Variants in CTNNBIP1 observed in about 807,000 individuals in gnomAD.
CTNNBIP1 encodes the protein catenin beta interacting protein 1.
In CTNNBIP1, 7 loss-of-function variants were observed where a neutral mutation model predicts 11.8. The observed-to-expected ratio is 0.60, with a 90% confidence interval of 0.34 to 1.12. The LOEUF (loss-of-function observed/expected upper bound fraction) is 1.12, where lower values mean the gene tolerates loss of function less well. CTNNBIP1 is among the 50% of genes most tolerant of loss of function. The pLI is 0.03. For synonymous variants in CTNNBIP1, 58 were observed against 43.9 expected (o/e 1.32, Z -1.26); for missense variants, 101 against 113.4 (o/e 0.89, Z 0.50).
At chr1:9,873,115 C>A (rs1638899113) in intron 3 of CTNNBIP1, among the ~76,000 whole-genome samples, 1 of 152,158 alleles carries the variant, frequency 6.6e-6, no homozygotes, top group South Asian at 2.1e-4. Context: ...TGTGCCAGAG[C>A]CCGGGCAGCA....
chr1:9,896,606 G>A (rs1418594891), intron 1 of CTNNBIP1, among the ~76,000 whole-genome samples: 2 of 152,044 alleles, frequency 1.3e-5, no homozygotes, highest in African/African-American at 2.4e-5. Flanking sequence ...AGGCCGAGGT[G>A]GGCAGATCAC....
intron 5 of CTNNBIP1, among the ~76,000 whole-genome samples, chr1:9,860,965 A>C (rs1317125993): frequency 6.6e-6 from 1 of 152,210 alleles, no homozygotes; most frequent in Non-Finnish European, 1.5e-5. Context: ...AGAGGGAGCT[A>C]ACTTTGGCTA....
intron 5 of CTNNBIP1, among the ~76,000 whole-genome samples, chr1:9,864,563 C>T (rs1266361016): frequency 3.9e-5 from 6 of 152,146 alleles, no homozygotes; most frequent in South Asian, 2.1e-4. Flanking sequence ...CTCCTGACCT[C>T]GTGATCCGCC....
At chr1:9,899,632 G>T (rs975829226) in intron 1 of CTNNBIP1, among the ~76,000 whole-genome samples, 3 of 151,640 alleles carry the variant, frequency 2.0e-5, no homozygotes, top group African/African-American at 7.3e-5. Context: ...GGTGACGCAT[G>T]GCTGTAATCC....
chr1:9,876,845 TACACACACACACACACAC>T (rs34192085), intron 3 of CTNNBIP1, among the ~76,000 whole-genome samples: 6 of 138,102 alleles, frequency 4.3e-5, no homozygotes, highest in South Asian at 2.5e-4. Context: ...CTGCTATACA[TACACACACACACACACAC>T]ACACACACAC....
rs1345646848 is a variant in CTNNBIP1, at chr1:9,871,386, G to C, written c.97-109C>G. On this transcript the variant is annotated intron_variant, in intron 4 of 5. Coordinates refer to ENST00000377263, the MANE Select transcript of CTNNBIP1 (RefSeq NM_020248.3). This position sits in a 1 kb window ranked among gnomAD's most constrained non-coding sequence, Gnocchi z 5.2. ...CCTGCTTGGTCCCTGCTTGGTCCCT[G>C]CTCGGGCTTCTGTTTCTGAGATTTG... The C allele has an allele frequency of 2.5e-6, 2 of 799,906 alleles. No homozygotes were observed. The highest frequency in any genetic ancestry group is 2.7e-5 in the East Asian group (1 of 37,314). The allele number at this position is 799,906 out of a possible 1,614,324, so 49.6% of individuals were successfully genotyped here. A position where few individuals can be genotyped will look rare whatever the true frequency, so the allele number is the denominator to read the frequency against.
chr1:9,867,396 G>C lies in CTNNBIP1; in HGVS notation c.187+3791C>G, dbSNP rs149837708. 6.6e-6 allele frequency among the ~76,000 whole-genome samples: 1 copy of C among 152,174 alleles called. No homozygotes were observed. The highest frequency in any genetic ancestry group is 1.5e-5 in the Non-Finnish European group (1 of 68,004). On this transcript the variant is annotated intron_variant, in intron 5 of 5. Coordinates refer to ENST00000377263, the MANE Select transcript of CTNNBIP1 (RefSeq NM_020248.3). This position sits in a 1 kb window ranked among gnomAD's most constrained non-coding sequence, Gnocchi z 4.6. ...GACCGAGGAAGGAATCGAAGGGTAG[G>C]GGGTAAAGGGGTGCCCACGGCCCCC... is the stretch of plus-strand genomic sequence containing the variant.
intron 1 of CTNNBIP1, among the ~76,000 whole-genome samples, chr1:9,887,648 A>G (rs565460175): frequency 7.1e-4 from 107 of 150,308 alleles, no homozygotes; most frequent in African/African-American, 2.2e-3. Flanking sequence ...GGTTGCAGTG[A>G]GCTGAGATCT....
In CTNNBIP1 at chr1:9,883,941, G is replaced by A. The variant is rs1639133333; in HGVS notation, c.-143-203C>T. Among the ~76,000 whole-genome samples, 2 of 152,164 alleles carry A rather than the reference G, an allele frequency of 1.3e-5. No individual in the cohort carries two copies. The highest frequency in any genetic ancestry group is 4.1e-4 in the South Asian group (2 of 4,824). Reference sequence around the variant, plus strand: ...CAAACAGTCAAGGAGGAAGAAGGTGGGGGAACGGGAGTCTGAAGATGCTGT... The same window carrying A: ...CAAACAGTCAAGGAGGAAGAAGGTGAGGGAACGGGAGTCTGAAGATGCTGT... On this transcript the variant is annotated intron_variant, in intron 1 of 5. Transcript: ENST00000377263. This position sits in a 1 kb window ranked among gnomAD's most constrained non-coding sequence, Gnocchi z 5.6.
intron 5 of CTNNBIP1, among the ~76,000 whole-genome samples, chr1:9,854,701 G>A (rs1255901064): frequency 6.6e-6 from 1 of 151,634 alleles, no homozygotes; most frequent in East Asian, 1.9e-4. Flanking sequence ...TTTTGAGATA[G>A]GGTCTCACTC....
chr1:9,872,059 G>T lies in CTNNBIP1; in HGVS notation c.6C>A (p.Asn2Lys), dbSNP rs771836718. 1 of 1,613,986 alleles carries T rather than the reference G, an allele frequency of 6.2e-7. No homozygotes were observed. The highest frequency in any genetic ancestry group is 8.5e-7 in the Non-Finnish European group (1 of 1,179,828). ...GACTCTTCCCGGGAGCTCCCTCGCG[G>T]TTCATCCCCCTGCCTGGCTCTGGGG... M[N>K]REGAPGKSPE... The change falls in exon 4 of 6, where the codon AAC (asparagine) becomes AAA (lysine). Residue 2 changes from asparagine to lysine, a missense_variant. Coordinates refer to ENST00000377263, the MANE Select transcript of CTNNBIP1 (RefSeq NM_020248.3). The surrounding 1 kb of genome is among the most constrained non-coding windows in gnomAD (Gnocchi z 4.0).
rs1055975120 is a variant in CTNNBIP1 at position 9,883,283 on chromosome 1, T to C, written c.-110+422A>G. On this transcript the variant is annotated intron_variant, in intron 2 of 5. Coordinates refer to ENST00000377263, the MANE Select transcript of CTNNBIP1 (RefSeq NM_020248.3). This position sits in a 1 kb window ranked among gnomAD's most constrained non-coding sequence, Gnocchi z 5.6. Reference sequence around the variant, plus strand: ...CATGTGAAGCCCTGTGTGAGATGTGTGGAAGGGCAGGTGGGACACCACAGG... The same window carrying C: ...CATGTGAAGCCCTGTGTGAGATGTGCGGAAGGGCAGGTGGGACACCACAGG... Among the ~76,000 whole-genome samples the C allele has an allele frequency of 6.6e-6, 1 of 151,910 alleles. No homozygotes were observed. The highest frequency in any genetic ancestry group is 1.5e-5 in the Non-Finnish European group (1 of 67,936).
intron 5 of CTNNBIP1, among the ~76,000 whole-genome samples, chr1:9,868,143 C>T (rs1305309868): frequency 1.3e-5 from 2 of 152,194 alleles, no homozygotes; most frequent in Non-Finnish European, 2.9e-5. Flanking sequence ...GCTCAGGCCC[C>T]GGCAGCCAGG....
intron 1 of CTNNBIP1, among the ~76,000 whole-genome samples, chr1:9,895,149 C>T (rs1391838305): frequency 3.3e-5 from 5 of 151,942 alleles, no homozygotes; most frequent in East Asian, 1.9e-4. Flanking sequence ...CCTCATGATA[C>T]GCCCGCCTCG....
intron 5 of CTNNBIP1, among the ~76,000 whole-genome samples, chr1:9,854,623 C>G (rs1256154178): frequency 6.6e-6 from 1 of 151,944 alleles, no homozygotes; most frequent in African/African-American, 2.4e-5. Context: ...AAAACTATCC[C>G]TATTTGTAGA....
At chr1:9,878,535 G>A (rs1350634285) in intron 2 of CTNNBIP1, among the ~76,000 whole-genome samples, 1 of 152,220 alleles carries the variant, frequency 6.6e-6, no homozygotes, top group Non-Finnish European at 1.5e-5. Flanking sequence ...GAAAAGCACA[G>A]TCGCAGCTTG....
intron 3 of CTNNBIP1, among the ~76,000 whole-genome samples, chr1:9,874,405 C>G (rs1353209923): frequency 6.6e-6 from 1 of 152,178 alleles, no homozygotes; most frequent in Non-Finnish European, 1.5e-5. Context: ...CAGAAGCATG[C>G]CACAACACCC....
chr1:9,884,899 G>A (rs1350380289), intron 1 of CTNNBIP1, among the ~76,000 whole-genome samples: 1 of 152,124 alleles, frequency 6.6e-6, no homozygotes, highest in African/African-American at 2.4e-5. Context: ...CACAGGGGCG[G>A]CTGCAGGCCA....
chr1:9,905,083 G>A (rs927197990), intron 1 of CTNNBIP1, among the ~76,000 whole-genome samples: 3 of 152,120 alleles, frequency 2.0e-5, no homozygotes, highest in East Asian at 3.8e-4. Flanking sequence ...GCCGCTCTTC[G>A]TAATGTCCTG....
Sources: gnomAD v4.1 joint callset for allele counts (sites outside exome capture counted in the v4.1 genomes callset) on GRCh38, gnomAD v4.1.1 for gene constraint, Gnocchi (gnomAD v3.1) non-coding constraint, MANE v1.5 for transcripts, NCBI Gene and HGNC (gene_info 2026-07-23, HGNC 2026-07-21) for gene names.